The following MPDZ variants were observed in gnomAD, a reference collection of about 807,000 sequenced individuals.
MPDZ encodes the protein multiple PDZ domain protein.
In MPDZ, 234 loss-of-function variants were observed where a neutral mutation model predicts 239.1. That is an observed-to-expected ratio of 0.98 (90% CI 0.88 to 1.09). MPDZ has a LOEUF of 1.09. Ranked by LOEUF, MPDZ falls within the 50% of genes least tolerant of loss-of-function variation. The pLI, the probability that MPDZ is intolerant of heterozygous loss-of-function variation, is 0.00. For missense variants in MPDZ, 3,175 were observed against 2,510.0 expected (o/e 1.26, Z -5.66); for synonymous variants, 1,048 against 881.3 (o/e 1.19, Z -3.35).
intron 24 of MPDZ, among the ~76,000 whole-genome samples, chr9:13,151,316 C>T (rs1382341937): frequency 6.6e-6 from 1 of 151,974 alleles, no homozygotes; most frequent in Admixed American, 6.6e-5. Context: ...GGGTATTATA[C>T]CCAAAATAAT....
At chr9:13,120,572 T>C (rs1021618565) in intron 38 of MPDZ, 1 of 152,192 alleles carries the variant, frequency 6.6e-6, no homozygotes, top group Admixed American at 6.5e-5. Context: ...AAAAAGTCTA[T>C]TTTTTAGACA....
Position 13,187,142 on chromosome 9 carries a change from A to G in MPDZ, c.2365-756T>C, listed in dbSNP as rs1037843739. On this transcript the variant is annotated intron_variant, in intron 17 of 46. Transcript: ENST00000319217. Reference sequence around the variant, plus strand: ...ACATACAGAAGAAGAATTATAGGGGAAAAGAAACTGTTTTTCTTCTTTGCC... The same window carrying G: ...ACATACAGAAGAAGAATTATAGGGGGAAAGAAACTGTTTTTCTTCTTTGCC... 4.6e-5 allele frequency among the ~76,000 whole-genome samples: 7 copies of G among 152,154 alleles called. No individual in the cohort carries two copies. The South Asian group carries it at 8.3e-4, about 18-fold the overall frequency.
intron 11 of MPDZ, 148 bp downstream of exon 11, chr9:13,205,768 A>C: frequency 1.5e-6 from 1 of 674,298 alleles, no homozygotes; most frequent in Non-Finnish European, 2.3e-6. Context: ...ACACTTCTTT[A>C]CTCGCCTTGG....
intron 2 of MPDZ, among the ~76,000 whole-genome samples, chr9:13,248,942 C>G (rs1967072050): frequency 8.0e-6 from 1 of 124,802 alleles, no homozygotes; most frequent in Non-Finnish European, 1.6e-5. Context: ...CACTACACTC[C>G]AGCCTGGGCG....
rs755600389 is a variant in MPDZ, at chr9:13,223,641, G to A, written c.463C>T (p.Leu155=). 3.1e-6 allele frequency: 5 copies of A among 1,612,320 alleles called. No individual in the cohort carries two copies. Residue 155 remains leucine, a synonymous_variant, in exon 5 of 47, where the codon CTA becomes TTA. Coordinates refer to ENST00000319217, the MANE Select transcript of MPDZ (RefSeq NM_001378778.1). ...SGGLGFSVVG[L]RSENRGELGI... ...AGCTCTCCTCTGTTTTCACTTCTTA[G>A]TCCCACAACACTAAACCCAAGGCCT...
chr9:13,150,491 G>C lies in MPDZ; in HGVS notation c.3630+20C>G. On this transcript the variant is annotated intron_variant, in intron 25 of 46. Coordinates refer to ENST00000319217, the MANE Select transcript of MPDZ (RefSeq NM_001378778.1). ...AACAAAACAAACAAATTTTAGCACA[G>C]AAAGCTCACTAGAGGGTACCTCTAC... is the stretch of plus-strand genomic sequence containing the variant. 1 of 1,455,300 alleles carries C rather than the reference G, an allele frequency of 6.9e-7. No homozygotes were observed. Among genetic ancestry groups the C allele is most frequent in the Non-Finnish European group, 9.1e-7 (1 of 1,100,656 alleles). The allele number at this position is 1,455,300 out of a possible 1,614,324, so 90.1% of individuals were successfully genotyped here. A position where few individuals can be genotyped will look rare whatever the true frequency, so the allele number is the denominator to read the frequency against.
chr9:13,261,343 A>G (rs1002756853), intron 1 of MPDZ, among the ~76,000 whole-genome samples: 1 of 152,150 alleles, frequency 6.6e-6, no homozygotes, highest in African/African-American at 2.4e-5. Flanking sequence ...CATTTTTACA[A>G]TGAACTCCAT....
intron 3 of MPDZ, among the ~76,000 whole-genome samples, chr9:13,230,380 G>C (rs1285324881): frequency 2.6e-5 from 4 of 152,010 alleles, no homozygotes; most frequent in Non-Finnish European, 5.9e-5. Context: ...ATATATAATA[G>C]TGAAAAATTG....
intron 32 of MPDZ, among the ~76,000 whole-genome samples, chr9:13,132,901 A>G (rs1287603431): frequency 6.6e-6 from 1 of 152,138 alleles, no homozygotes; most frequent in African/African-American, 2.4e-5. Context: ...TTATCCATCT[A>G]ACATGTTCAT....
At chr9:13,162,251 G>C (rs552876347) in intron 23 of MPDZ, among the ~76,000 whole-genome samples, 1 of 143,958 alleles carries the variant, frequency 6.9e-6, no homozygotes, top group African/African-American at 2.7e-5. Flanking sequence ...GCAACAGAGT[G>C]AGGCTCTGCC....
rs538061592 is a variant in MPDZ at position 13,274,128 on chromosome 9, C to T, written c.-58+5272G>A. On this transcript the variant is annotated intron_variant, in intron 1 of 46. Transcript: ENST00000319217. ...GTGATCTAATTACAGGCAAGCTTTC[C>T]GTCTTCTTTTCACTTGTATCTTCCA... Among the ~76,000 whole-genome samples the T allele has an allele frequency of 8.5e-5, 13 of 152,126 alleles. No individual in the cohort carries two copies. The South Asian group carries it at 2.3e-3, about 27-fold the overall frequency.
At chr9:13,259,990 C>G (rs1000836910) in intron 1 of MPDZ, among the ~76,000 whole-genome samples, 1 of 151,650 alleles carries the variant, frequency 6.6e-6, no homozygotes, top group African/African-American at 2.4e-5. Flanking sequence ...CCTGCCACCA[C>G]GCCCGGCTAA....
intron 46 of MPDZ, 54 bp downstream of exon 46, chr9:13,108,863 TAATAAGCCAGCTGCTGACC>T: frequency 6.6e-7 from 1 of 1,507,194 alleles, no homozygotes; most frequent in Middle Eastern, 1.8e-4. Flanking sequence ...GGCCATAAAC[TAATAAGCCAGCTGCTGACC>T]ACTATTAATG....
At chr9:13,235,425 T>C (rs1040457772) in intron 3 of MPDZ, among the ~76,000 whole-genome samples, 2 of 152,130 alleles carry the variant, frequency 1.3e-5, no homozygotes, top group African/African-American at 4.8e-5. Context: ...CATCACTAGG[T>C]GATAGGGATA....
chr9:13,238,130 G>A (rs546401000), intron 3 of MPDZ, among the ~76,000 whole-genome samples: 1 of 152,186 alleles, frequency 6.6e-6, no homozygotes, highest in Non-Finnish European at 1.5e-5. Flanking sequence ...AGAGCAGCCT[G>A]TGAAACTGAG....
At chr9:13,272,001 G>A (rs1973091442) in intron 1 of MPDZ, among the ~76,000 whole-genome samples, 1 of 152,110 alleles carries the variant, frequency 6.6e-6, no homozygotes, top group African/African-American at 2.4e-5. Flanking sequence ...GTGGGTAGAG[G>A]AAAGGACTAC....
chr9:13,184,417 T>C (rs1447607223), intron 18 of MPDZ, among the ~76,000 whole-genome samples: 2 of 151,160 alleles, frequency 1.3e-5, no homozygotes, highest in Non-Finnish European at 3.0e-5. Flanking sequence ...ATGTTCTAAT[T>C]TTTTTTTTGT....
intron 12 of MPDZ, among the ~76,000 whole-genome samples, chr9:13,202,296 T>C (rs1390875684): frequency 6.6e-6 from 1 of 152,198 alleles, no homozygotes; most frequent in African/African-American, 2.4e-5. Flanking sequence ...TAGAATTTTA[T>C]TGTTGTCCTG....
chr9:13,183,585 C>A lies in MPDZ; in HGVS notation c.2482G>T (p.Val828Leu). ...ACTAAGTCAGCATCATTTGTGCCCA[C>A]CTAGAAACAAAACAATAATATCAGT... ...KPLFRADLAL[V>L]GTNDADLVDE... The change falls in exon 19 of 47, where the codon GTG (valine) becomes TTG (leucine). Residue 828 changes from valine to leucine, a missense_variant and splice_region_variant. Transcript: ENST00000319217. 1 of 1,611,504 alleles carries A rather than the reference C, an allele frequency of 6.2e-7. No individual in the cohort carries two copies.
Sources: allele counts gnomAD v4.1 joint callset (sites outside exome capture counted in the v4.1 genomes callset), GRCh38; gene constraint gnomAD v4.1.1; transcripts MANE v1.5; gene names NCBI Gene and HGNC (gene_info 2026-07-23, HGNC 2026-07-21).